The following FLG variants were observed in gnomAD, a reference collection of about 807,000 sequenced individuals.
FLG encodes filaggrin, also known as epidermal filaggrin.
In FLG, 6 loss-of-function variants were observed where a neutral mutation model predicts 3.8. The ratio of observed to expected loss-of-function variants is 1.60; its 90% CI spans 0.87 to 3.15. The LOEUF (loss-of-function observed/expected upper bound fraction) is 3.15. FLG is among the 30% of genes most tolerant of loss of function. The pLI is 0.00. For missense variants in FLG, 7,595 were observed against 5,050.9 expected, an observed-to-expected ratio of 1.50 and a Z score of -15.27; for synonymous variants, 2,551 against 1,931.6, an observed-to-expected ratio of 1.32 and a Z score of -8.41.
chr1:152,304,379 A>G lies in FLG; in HGVS notation c.10507T>C (p.Trp3503Arg), dbSNP rs12728908. The G allele has an allele frequency of 5.6e-6, 9 of 1,611,290 alleles. 1 individual carries two copies. Among genetic ancestry groups the G allele is most frequent in the Non-Finnish European group, 7.6e-6 (9 of 1,178,898 alleles). The change falls in exon 3 of 3, where the codon TGG (tryptophan) becomes CGG (arginine). Residue 3503 changes from tryptophan (W) to arginine (R), a missense_variant. Trp to Arg is a moderately radical substitution (Grantham distance 101, BLOSUM62 -3). Coordinates refer to ENST00000368799, the MANE Select transcript of FLG (RefSeq NM_002016.2). ...GTGGAAGCTTCATGGTGATGCGACC[A>G]TGAGTGCCTGGAGCCATCTCCTGAT... ...EQSGDGSRHS[W>R]SHHHEASTQA... is the part of the protein sequence containing the mutation.
In FLG at chr1:152,310,033, T is replaced by A. The variant is rs755434022; in HGVS notation, c.4853A>T (p.His1618Leu). 1 of 1,613,712 alleles carries A rather than the reference T, an allele frequency of 6.2e-7. No individual in the cohort carries two copies. The highest frequency in any genetic ancestry group is 2.2e-5 in the East Asian group (1 of 44,804). Residue 1618 changes from histidine to leucine, a missense_variant, in exon 3 of 3, where the codon CAT becomes CTT. By Grantham distance (99) the His-to-Leu change is moderately conservative (BLOSUM62 -3). Transcript: ENST00000368799. The part of the protein sequence containing the change: ...ERRSESASRN[H>L]YGSAREQSRH... Reference sequence around the variant, plus strand: ...TGACTGCTCCCGAGCAGATCCATAATGGTTTCTGGAAGCCGACTCAGACCG... The same window carrying A: ...TGACTGCTCCCGAGCAGATCCATAAAGGTTTCTGGAAGCCGACTCAGACCG...
In FLG at chr1:152,310,204, T is replaced by A; in HGVS notation, c.4682A>T (p.His1561Leu). The A allele has an allele frequency of 2.5e-6, 4 of 1,613,872 alleles. No homozygotes were observed. The highest frequency in any genetic ancestry group is 3.4e-6 in the Non-Finnish European group (4 of 1,179,984). ...GDGSRHSGSRHHEPSTRAGSS... is the reference protein window; with the variant it reads ...GDGSRHSGSRLHEPSTRAGSS... ...GCCGGCCCGAGTGGAAGGTTCATGG[T>A]GACGTGACCCTGAGTGCCTGGAGCC... Residue 1561 changes from histidine to leucine, a missense_variant, in exon 3 of 3, where the codon CAC becomes CTC. Transcript: ENST00000368799.
chr1:152,314,333 T>C lies in FLG; in HGVS notation c.553A>G (p.Lys185Glu). ...KNHHNSSKKE[K>E]NKTENTRLGD... ...AATCTAGTATTTTCAGTCTTGTTTT[T>C]CTCTTTTTTACTTGAGTTATGATGG... The change falls in exon 3 of 3, where the codon AAA becomes GAA. Residue 185 changes from lysine to glutamate, a missense_variant. Lys to Glu is a moderately conservative substitution (Grantham distance 56, BLOSUM62 1). Coordinates refer to ENST00000368799, the MANE Select transcript of FLG (RefSeq NM_002016.2). 1.2e-6 allele frequency: 2 copies of C among 1,613,270 alleles called. No individual in the cohort carries two copies. Among genetic ancestry groups the C allele is most frequent in the Non-Finnish European group, 8.5e-7 (1 of 1,179,812 alleles).
chr1:152,309,695 T>C lies in FLG; in HGVS notation c.5191A>G (p.Thr1731Ala). 1.2e-6 allele frequency: 2 copies of C among 1,614,018 alleles called. No individual in the cohort carries two copies. The highest frequency in any genetic ancestry group is 1.7e-6 in the Non-Finnish European group (2 of 1,179,984). The change falls in exon 3 of 3, where the codon ACA (threonine) becomes GCA (alanine). Residue 1731 changes from threonine (T) to alanine (A), a missense_variant. Coordinates refer to ENST00000368799, the MANE Select transcript of FLG (RefSeq NM_002016.2). ...DSEGHSEESDTQSVSAHGQAG... is the reference protein window; with the variant it reads ...DSEGHSEESDAQSVSAHGQAG... ...TGTCCGTGGGCTGACACTGACTGTG[T>C]GTCTGACTCTTCTGAGTGTCCCTCG...
At chr1:152,316,297 G>T (rs886729011) in intron 1 of FLG, among the ~76,000 whole-genome samples, 2 of 152,042 alleles carry the variant, frequency 1.3e-5, no homozygotes, top group African/African-American at 4.8e-5. Flanking sequence ...AATGAATTTT[G>T]CTGTGGTTAA....
intron 2 of FLG, 39 bp from the exon 3 acceptor site, chr1:152,314,786 C>G (rs764135477): frequency 1.2e-6 from 2 of 1,612,754 alleles, no homozygotes. Flanking sequence ...CTGCATCAGA[C>G]AGAATCACAT....
In FLG at chr1:152,313,544, G is replaced by T. The variant is rs371857058; in HGVS notation, c.1342C>A (p.Gln448Lys). The T allele has an allele frequency of 4.6e-5, 74 of 1,614,012 alleles. No individual in the cohort carries two copies. The East Asian group carries it at 8.9e-4, about 19-fold the overall frequency. The change falls in exon 3 of 3, where the codon CAG becomes AAG. Residue 448 changes from glutamine (Q) to lysine (K), a missense_variant. By Grantham distance (53) the Gln-to-Lys change is moderately conservative. Transcript: ENST00000368799. ...SGHGKAGLRQ[Q>K]SHQESTRGRS... ...CCACGTGTGGACTCTTGGTGGCTCT[G>T]CTGTCTCAGCCCAGCCTTTCCGTGG...
chr1:152,320,493 G>T (rs1479845612), intron 1 of FLG, among the ~76,000 whole-genome samples: 1 of 150,748 alleles, frequency 6.6e-6, no homozygotes, highest in African/African-American at 2.4e-5. Context: ...CAGACTTTAA[G>T]GCAAAAAATA....
intron 1 of FLG, among the ~76,000 whole-genome samples, chr1:152,323,446 TA>T (rs1391727181): frequency 6.6e-6 from 1 of 151,486 alleles, no homozygotes; most frequent in African/African-American, 2.4e-5. Context: ...TATAAATCAA[TA>T]AAAAATACAG....
rs187496828 is a variant in FLG, at chr1:152,302,453, C to T, written c.*247G>A. On this transcript the variant is annotated 3_prime_UTR_variant, in exon 3 of 3. Transcript: ENST00000368799. ...TGACCCAGAATCTCCTAAAATACTC[C>T]AGCTAGTTTTCTAAAGTTAGCTCTC... The T allele has an allele frequency of 5.8e-6, 3 of 518,438 alleles. No individual in the cohort carries two copies. In the East Asian group the frequency reaches 1.1e-4, roughly 18 times the overall value. 32.1% of individuals were successfully genotyped at this position (518,438 alleles called of 1,614,324 possible).
Position 152,303,938 on chromosome 1 carries a change from C to A in FLG, c.10948G>T (p.Ala3650Ser), listed in dbSNP as rs377184505. The change falls in exon 3 of 3, where the codon GCA becomes TCA. Residue 3650 changes from alanine to serine, a missense_variant. By Grantham distance (99) the Ala-to-Ser change is moderately conservative. Coordinates refer to ENST00000368799, the MANE Select transcript of FLG (RefSeq NM_002016.2). ...SGIGHGQASS[A>S]VRDSGHRGSS... ...CCTCGGTGTCCACTGTCTCTGACTGCAGATGAAGCTTGTCCGTGCCCAATG... is the reference window on the plus strand; with the variant it reads ...CCTCGGTGTCCACTGTCTCTGACTGAAGATGAAGCTTGTCCGTGCCCAATG... The A allele has an allele frequency of 6.2e-6, 10 of 1,613,826 alleles. No homozygotes were observed.
At position 152,303,528 on chromosome 1, in the gene FLG, G is replaced by A. The variant is rs373923760; in HGVS notation, c.11358C>T (p.Ser3786=). ...CCTGGGATGTGGTGTGGCTGTGATG[G>A]GACCCTGAGTGTCCAGACCTATCTA... ...QSVDRSGHSG[S]HHSHTTSQGR... is the part of the protein sequence containing the mutation. Residue 3786 remains serine (S), a synonymous_variant, in exon 3 of 3, where the codon TCC becomes TCT. Coordinates refer to ENST00000368799, the MANE Select transcript of FLG (RefSeq NM_002016.2). 70 of 1,614,024 alleles carry A rather than the reference G, an allele frequency of 4.3e-5. No individual in the cohort carries two copies. The highest frequency in any genetic ancestry group is 6.6e-5 in the South Asian group (6 of 91,068).
chr1:152,314,847 T>A, intron 2 of FLG, 100 bp from the exon 3 acceptor site: 1 of 1,478,202 alleles, frequency 6.8e-7, no homozygotes, highest in Non-Finnish European at 9.3e-7. Context: ...CTTTGAGTAT[T>A]AAAAAGTGGG....
intron 1 of FLG, among the ~76,000 whole-genome samples, chr1:152,320,049 T>G (rs1652904298): frequency 1.3e-5 from 2 of 151,312 alleles, no homozygotes. Context: ...TTAAAGTATT[T>G]TTTTCTTAAT....
chr1:152,313,989 C>G lies in FLG; in HGVS notation c.897G>C (p.Gln299His). 2 of 1,614,222 alleles carry G rather than the reference C, an allele frequency of 1.2e-6. No homozygotes were observed. Among genetic ancestry groups the G allele is most frequent in the Non-Finnish European group, 1.7e-6 (2 of 1,180,036 alleles). The change falls in exon 3 of 3, where the codon CAG (glutamine) becomes CAC (histidine). Residue 299 changes from glutamine to histidine, a missense_variant. Gln to His is a conservative substitution (Grantham distance 24, BLOSUM62 0). Transcript: ENST00000368799. ...TRKRRGSRVS[Q>H]DRDSEGHSED... ...CTGAGTGTCCCTCACTGTCCCTGTC[C>G]TGGCTAACTCTGGATCCCCTACGCT...
At chr1:152,322,271 G>A (rs1432114909) in intron 1 of FLG, among the ~76,000 whole-genome samples, 5 of 150,780 alleles carry the variant, frequency 3.3e-5, no homozygotes, top group African/African-American at 1.2e-4. Context: ...CCTAGCTAGA[G>A]CAATACGTTA....
chr1:152,308,660 C>CGGGGGGG lies in FLG; in HGVS notation c.6225_6226insCCCCCCC (p.Ala2076ProfsTer25), dbSNP rs1557875695. The CGGGGGGG allele has an allele frequency of 1.9e-6, 3 of 1,613,888 alleles. No individual in the cohort carries two copies. The highest frequency in any genetic ancestry group is 2.5e-6 in the Non-Finnish European group (3 of 1,179,978). ...GAGCTTTCCCCTGACTGGCCACGTG[C>CGGGGGGG]GGACTCTTTGTGGCTCTGCTGATGG... On this transcript the variant is annotated frameshift_variant, in exon 3 of 3. Coordinates refer to ENST00000368799, the MANE Select transcript of FLG (RefSeq NM_002016.2). LOFTEE classifies it low-confidence loss of function (END_TRUNC).
Position 152,304,857 on chromosome 1 carries a change from A to T in FLG, c.10029T>A (p.Ser3343Arg), listed in dbSNP as rs1651841601. Reference sequence around the variant, plus strand: ...TGTCTGACTCTTCTGAATGTCCCTCACTATCACTGGCCTGACTACCACTGG... The same window carrying T: ...TGTCTGACTCTTCTGAATGTCCCTCTCTATCACTGGCCTGACTACCACTGG... The part of the protein sequence containing the change: ...WGSSGSQASD[S>R]EGHSEESDTQ... The change falls in exon 3 of 3, where the codon AGT becomes AGA. Residue 3343 changes from serine (S) to arginine (R), a missense_variant. Ser to Arg is a moderately radical substitution (Grantham distance 110). Coordinates refer to ENST00000368799, the MANE Select transcript of FLG (RefSeq NM_002016.2). The T allele has an allele frequency of 1.2e-6, 2 of 1,613,258 alleles. No individual in the cohort carries two copies. The highest frequency in any genetic ancestry group is 1.7e-5 in the Admixed American group (1 of 59,928).
Position 152,310,410 on chromosome 1 carries a change from G to C in FLG, c.4476C>G (p.His1492Gln). ...SQDGQDTIRG[H>Q]PGSSRGGRQG... ...GCCTTCCTCCTCTGCTTGACCCCGGGTGTCCACGAATGGTGTCCTGACCGT... is the reference window on the plus strand; with the variant it reads ...GCCTTCCTCCTCTGCTTGACCCCGGCTGTCCACGAATGGTGTCCTGACCGT... The change falls in exon 3 of 3, where the codon CAC becomes CAG. Residue 1492 changes from histidine to glutamine, a missense_variant. Transcript: ENST00000368799. 2 of 1,613,420 alleles carry C rather than the reference G, an allele frequency of 1.2e-6. No individual in the cohort carries two copies. The highest frequency in any genetic ancestry group is 1.7e-6 in the Non-Finnish European group (2 of 1,179,836).
Sources: gnomAD v4.1 joint callset for allele counts (sites outside exome capture counted in the v4.1 genomes callset) on GRCh38, gnomAD v4.1.1 for gene constraint, MANE v1.5 for transcripts, NCBI Gene and HGNC (gene_info 2026-07-23, HGNC 2026-07-21) for gene names.